Variants in DOK7 observed in about 807,000 individuals in gnomAD.
DOK7 encodes the protein docking protein 7, also known as protein Dok-7.
In DOK7, 32 loss-of-function variants were observed where a neutral mutation model predicts 30.7. The ratio of observed to expected loss-of-function variants is 1.04; its 90% confidence interval spans 0.79 to 1.40. The LOEUF (loss-of-function observed/expected upper bound fraction) is 1.40. Ranked by LOEUF, DOK7 falls within the 40% of genes most tolerant of loss-of-function variation. The pLI, the probability that DOK7 is intolerant of heterozygous loss-of-function variation, is 0.00. For synonymous variants in DOK7, 447 were observed against 324.1 expected, an observed-to-expected ratio of 1.38 and a Z score of -4.07; for missense variants, 1,007 against 699.2, an observed-to-expected ratio of 1.44 and a Z score of -4.97.
chr4:3,496,888 G>A (rs545118921), downstream of DOK7: 76 of 1,532,984 alleles, frequency 5.0e-5, no homozygotes, highest in South Asian at 3.6e-4. Flanking sequence ...CAGTCCCCCA[G>A]AGCTCGGGGA....
chr4:3,501,184 A>C, exon 8 of DOK7: 2 of 310,274 alleles, frequency 6.4e-6, no homozygotes. Context: ...TGGGATGCAA[A>C]CCGCCCTCTC....
chr4:3,495,321 C>A (rs1728846290), downstream of DOK7, among the ~76,000 whole-genome samples: 1 of 148,282 alleles, frequency 6.7e-6, no homozygotes, highest in South Asian at 2.1e-4. Context: ...GCCCTTCCCG[C>A]TAGTCTTCAT....
chr4:3,494,160 G>C lies in DOK7; in HGVS notation c.*659G>C. ...CAGGTGGTGTCCTCAGAGCAGCCTC[G>C]CCTGCTGACCCCACTGGGAGAGGCG... On this transcript the variant is annotated 3_prime_UTR_variant, in exon 7 of 7. Transcript: ENST00000340083. 1.0e-6 allele frequency: 1 copy of C among 985,588 alleles called. No homozygotes were observed. The highest frequency in any genetic ancestry group is 1.2e-6 in the Non-Finnish European group (1 of 830,032). The allele number at this position is 985,588 out of a possible 1,614,324, so 61.1% of individuals were successfully genotyped here. A position where few individuals can be genotyped will look rare whatever the true frequency, so the allele number is the denominator to read the frequency against.
At chr4:3,485,682 C>CG (rs1727734050) in intron 5 of DOK7, 24 bp downstream of exon 5, 4 of 1,529,360 alleles carry the variant, frequency 2.6e-6, no homozygotes, top group Non-Finnish European at 3.5e-6. Flanking sequence ...CCTGGCCGGC[C>CG]GGGGAGGGTG....
rs1388192187 is a variant in DOK7, at chr4:3,485,604, G to A, written c.598G>A (p.Val200Ile). 8 of 1,608,098 alleles carry A rather than the reference G, an allele frequency of 5.0e-6. No individual in the cohort carries two copies. Among genetic ancestry groups the A allele is most frequent in the East Asian group, 2.3e-5 (1 of 44,440 alleles). ...GATCAGCTTCCTGTTCGACTGCATC[G>A]TCCGAGGCATCTCCCCCACCAAGGG... ...EQISFLFDCI[V>I]RGISPTKGPF... Residue 200 changes from valine (V) to isoleucine (I), a missense_variant, in exon 5 of 7, where the codon GTC (valine) becomes ATC (isoleucine). Transcript: ENST00000340083.
At chr4:3,464,794 C>T (rs1482272926) in intron 2 of DOK7, among the ~76,000 whole-genome samples, 1 of 152,178 alleles carries the variant, frequency 6.6e-6, no homozygotes, top group Non-Finnish European at 1.5e-5. Context: ...CTGCATCAGA[C>T]AGTCCCAGGA....
chr4:3,490,595 A>C lies in DOK7; in HGVS notation c.772+799A>C, dbSNP rs1241350330. On this transcript the variant is annotated intron_variant, in intron 6 of 6. Transcript: ENST00000340083. Reference sequence around the variant, plus strand: ...TCCTTCTCTCTCTGCTCATTCCTTCATTTCTTCTCTCCCTGCTCGTTCATT... The same window carrying C: ...TCCTTCTCTCTCTGCTCATTCCTTCCTTTCTTCTCTCCCTGCTCGTTCATT... Among the ~76,000 whole-genome samples the C allele has an allele frequency of 5.8e-3, 139 of 23,872 alleles. 1 individual carries two copies. The highest frequency in any genetic ancestry group is 0.038 in the Middle Eastern group (1 of 26). 15.7% of individuals were successfully genotyped at this position (23,872 alleles called of 152,430 possible). A position where few individuals can be genotyped will look rare whatever the true frequency, so the allele number is the denominator to read the frequency against.
intron 6 of DOK7, among the ~76,000 whole-genome samples, chr4:3,492,411 A>G (rs1328477230): frequency 7.4e-6 from 1 of 135,250 alleles, no homozygotes; most frequent in Non-Finnish European, 1.6e-5. Flanking sequence ...GGTAGTCGGG[A>G]TGGCTGGGTA....
chr4:3,488,350 G>C (rs1248961320), intron 5 of DOK7, among the ~76,000 whole-genome samples: 2 of 152,252 alleles, frequency 1.3e-5, no homozygotes, highest in Admixed American at 1.3e-4. Context: ...CCTGTAGTGA[G>C]CAAGGGCCCC....
At chr4:3,463,605 G>A (rs906776841) in intron 2 of DOK7, 54 bp downstream of exon 2, 28 of 1,519,104 alleles carry the variant, frequency 1.8e-5, no homozygotes, top group African/African-American at 1.2e-4. Context: ...ACGGGTTACC[G>A]AGGCCCGGGG....
At chr4:3,464,787 C>G (rs10027913) in intron 2 of DOK7, among the ~76,000 whole-genome samples, 15,450 of 152,202 alleles carry the variant, frequency 0.1, 1,748 homozygotes, top group African/African-American at 0.28. Context: ...TTTCTTTCTG[C>G]ATCAGACAGT....
In DOK7 at chr4:3,493,276, G is replaced by T. The variant is rs538047872; in HGVS notation, c.1290G>T (p.Ala430=). The change falls in exon 7 of 7, where the codon GCG becomes GCT. Residue 430 remains alanine, a synonymous_variant. Coordinates refer to ENST00000340083, the MANE Select transcript of DOK7 (RefSeq NM_173660.5). ...PPSQGSPGNS[A]ARDSGGQTSA... The stretch of plus-strand genomic sequence containing the variant: ...CACAGGGCAGCCCCGGCAACAGTGC[G>T]GCCAGGGACTCAGGCGGCCAGACGT... 3.1e-6 allele frequency: 5 copies of T among 1,610,748 alleles called. No homozygotes were observed. Among genetic ancestry groups the T allele is most frequent in the South Asian group, 1.1e-5 (1 of 90,834 alleles).
intron 3 of DOK7, among the ~76,000 whole-genome samples, chr4:3,474,141 C>T (rs1007635623): frequency 1.3e-5 from 2 of 152,154 alleles, no homozygotes; most frequent in East Asian, 3.9e-4. Flanking sequence ...GCAGGGGCTT[C>T]GAATGGGTGC....
intron 6 of DOK7, among the ~76,000 whole-genome samples, chr4:3,490,199 C>CCCCCCTCATTCATTCCTGTCTTCA (rs1278295824): frequency 6.7e-5 from 5 of 74,832 alleles, no homozygotes; most frequent in African/African-American, 1.8e-4. Context: ...CTCATTCCTT[C>CCCCCCTCATTCATTCCTGTCTTCA]CCCCCTCATT....
At chr4:3,500,149 G>C in intron 6 of DOK7, 1 of 1,378,248 alleles carries the variant, frequency 7.3e-7, no homozygotes, top group South Asian at 1.4e-5. Context: ...GGCGGAGTGG[G>C]GAGGAGGGGC....
At chr4:3,490,730 A>T (rs1577176350) in intron 6 of DOK7, among the ~76,000 whole-genome samples, 1 of 63,726 alleles carries the variant, frequency 1.6e-5, no homozygotes, top group Non-Finnish European at 2.7e-5. Context: ...CCCCCCACTC[A>T]TTCCTTCCTT....
exon 7 of DOK7, chr4:3,500,279 C>A: frequency 6.5e-7 from 1 of 1,535,938 alleles, no homozygotes; most frequent in Non-Finnish European, 8.7e-7. Flanking sequence ...CTGTGGACAG[C>A]CCAGGACCAG....
intron 5 of DOK7, among the ~76,000 whole-genome samples, chr4:3,488,148 C>T (rs1881800): frequency 0.47 from 71,933 of 152,138 alleles, 18,695 homozygotes; most frequent in East Asian, 0.89. Flanking sequence ...TCCCTGTCCC[C>T]GGCAATGCTA....
rs940346413 is a variant in DOK7, at chr4:3,473,535, C to G, written c.230C>G (p.Thr77Arg). 1.9e-6 allele frequency: 3 copies of G among 1,610,826 alleles called. No homozygotes were observed. In the African/African-American group the frequency reaches 4.0e-5, roughly 22 times the overall value. The change falls in exon 3 of 7, where the codon ACG (threonine) becomes AGG (arginine). Residue 77 changes from threonine to arginine, a missense_variant. Thr to Arg is a moderately conservative substitution (Grantham distance 71). Transcript: ENST00000340083. ...CTGCCCTACGAGGGCCTGGTCCACA[C>G]GCTGGCCATTGTCTGCCTGTCCCAG... ...PGLPYEGLVH[T>R]LAIVCLSQAI...
Sources: gnomAD v4.1 joint callset for allele counts (sites outside exome capture counted in the v4.1 genomes callset) on GRCh38, gnomAD v4.1.1 for gene constraint, MANE v1.5 for transcripts, NCBI Gene and HGNC (gene_info 2026-07-23, HGNC 2026-07-21) for gene names.